Variants in MAPK8IP3 observed in about 807,000 individuals in gnomAD.
MAPK8IP3 encodes the protein C-Jun-amino-terminal kinase-interacting protein 3.
Under a neutral mutation model 157.8 loss-of-function variants are expected in MAPK8IP3, and 49 were observed. The ratio of observed to expected loss-of-function variants is 0.31; its 90% CI spans 0.25 to 0.39. The LOEUF (loss-of-function observed/expected upper bound fraction) is 0.39, where lower values mean the gene tolerates loss of function less well. Ranked by LOEUF, MAPK8IP3 falls within the 10% of genes least tolerant of loss-of-function variation. The pLI is 1.00. For synonymous variants in MAPK8IP3, 897 were observed against 777.7 expected (o/e 1.15, Z -2.55); for missense variants, 1,478 against 1,889.4 (o/e 0.78, Z 4.04).
chr16:1,732,665 G>A (rs530977264), intron 4 of MAPK8IP3, among the ~76,000 whole-genome samples: 138 of 152,314 alleles, frequency 9.1e-4, no homozygotes, highest in Admixed American at 2.9e-3. Flanking sequence ...ACGCCAGGGC[G>A]TGTGGATGCC....
At chr16:1,765,203 C>A in intron 20 of MAPK8IP3, 25 bp downstream of exon 20, 1 of 1,573,540 alleles carries the variant, frequency 6.4e-7, no homozygotes, top group South Asian at 1.1e-5. Context: ...TGGGCGTTTC[C>A]ACTCGGGCGC....
intron 1 of MAPK8IP3, among the ~76,000 whole-genome samples, chr16:1,719,337 C>G (rs976906846): frequency 1.3e-5 from 2 of 151,872 alleles, no homozygotes; most frequent in Admixed American, 6.6e-5. Context: ...CTGGTGCTTT[C>G]AGACAGGTGA....
intron 8 of MAPK8IP3, among the ~76,000 whole-genome samples, chr16:1,753,180 T>A (rs1203208966): frequency 6.6e-6 from 1 of 152,248 alleles, no homozygotes; most frequent in African/African-American, 2.4e-5. Context: ...GCATTTTTAC[T>A]CTGAGTTCCT....
Position 1,768,757 on chromosome 16 carries a change from A to G in MAPK8IP3, c.3947A>G (p.Lys1316Arg), listed in dbSNP as rs1354611438. ...EEGAGDMSQV[K>R]PVLSKAERSH... Reference sequence around the variant, plus strand: ...GGCGCAGGGGACATGAGCCAGGTGAAGCCCGTGCTGTCCAAGGCAGAGCGC... The same window carrying G: ...GGCGCAGGGGACATGAGCCAGGTGAGGCCCGTGCTGTCCAAGGCAGAGCGC... The change falls in exon 32 of 32, where the codon AAG becomes AGG. Residue 1316 changes from lysine to arginine, a missense_variant. Transcript: ENST00000610761. 5.0e-6 allele frequency: 8 copies of G among 1,612,796 alleles called. No homozygotes were observed. The highest frequency in any genetic ancestry group is 6.8e-6 in the Non-Finnish European group (8 of 1,179,850).
rs769014694 is a variant in MAPK8IP3 at position 1,762,941 on chromosome 16, G to A, written c.1833G>A (p.Gln611=). The A allele has an allele frequency of 2.5e-6, 4 of 1,613,064 alleles. No homozygotes were observed. The South Asian group carries it at 4.4e-5, about 18-fold the overall frequency. Residue 611 remains glutamine, a synonymous_variant, in exon 16 of 32, where the codon CAG becomes CAA. Transcript: ENST00000610761. Reference sequence around the variant, plus strand: ...CACCCACCACTGCCGGCTTCAGCCAGCGCCGCAACCATGCCATGTGCCCGA... The same window carrying A: ...CACCCACCACTGCCGGCTTCAGCCAACGCCGCAACCATGCCATGTGCCCGA... ...YKSPTTAGFS[Q]RRNHAMCPIS...
At chr16:1,722,408 A>T (rs1168617919) in intron 1 of MAPK8IP3, among the ~76,000 whole-genome samples, 1 of 152,198 alleles carries the variant, frequency 6.6e-6, no homozygotes, top group Non-Finnish European at 1.5e-5. Flanking sequence ...AGCTGCTGCT[A>T]TAGGAAGAAG....
chr16:1,765,096 C>T lies in MAPK8IP3; in HGVS notation c.2364C>T (p.Ile788=), dbSNP rs1422519570. ...CCCTGACCACCAGCAAGGTGGTGAT[C>T]ATCGACGCCAACCAGCCGGGCACGG... ...TSTLTTSKVV[I]IDANQPGTVV... is the part of the protein sequence containing the mutation. Residue 788 remains isoleucine, a synonymous_variant, in exon 20 of 32, where the codon ATC becomes ATT. Coordinates refer to ENST00000610761, the MANE Select transcript of MAPK8IP3 (RefSeq NM_001318852.2). 6.2e-7 allele frequency: 1 copy of T among 1,612,660 alleles called. No individual in the cohort carries two copies. The highest frequency in any genetic ancestry group is 8.5e-7 in the Non-Finnish European group (1 of 1,179,832).
At position 1,766,536 on chromosome 16, in the gene MAPK8IP3, GGGCCAGAGCCTGACAGCAGCAGCACAC is replaced by G; in HGVS notation, c.2838_2864del (p.Asp947_Pro955del). The G allele has an allele frequency of 6.2e-7, 1 of 1,611,608 alleles. No individual in the cohort carries two copies. Among genetic ancestry groups the G allele is most frequent in the Non-Finnish European group, 8.5e-7 (1 of 1,179,808 alleles). On this transcript the variant is annotated inframe_deletion, in exon 23 of 32. Coordinates refer to ENST00000610761, the MANE Select transcript of MAPK8IP3 (RefSeq NM_001318852.2). ...CCACCGTTCTTCCTGCAGCGAGAAC[GGGCCAGAGCCTGACAGCAGCAGCACAC>G]GGCCAGAGCCAGAGCCCAGCGGGGA...
chr16:1,735,357 C>T (rs772079676), intron 4 of MAPK8IP3, among the ~76,000 whole-genome samples: 17 of 150,228 alleles, frequency 1.1e-4, no homozygotes, highest in East Asian at 4.0e-4. Flanking sequence ...AGCGTGTGAG[C>T]GTCCATGTGA....
intron 20 of MAPK8IP3, 104 bp from the exon 21 acceptor site, chr16:1,765,856 G>A (rs2042225363): frequency 1.0e-5 from 11 of 1,096,714 alleles, no homozygotes; most frequent in Non-Finnish European, 1.4e-5. Flanking sequence ...TGCTGGGAAA[G>A]TGGAAGGCCA....
chr16:1,722,858 C>T (rs900232200), intron 1 of MAPK8IP3, among the ~76,000 whole-genome samples: 3 of 151,632 alleles, frequency 2.0e-5, no homozygotes, highest in Non-Finnish European at 4.4e-5. Context: ...CCTGCCACCA[C>T]GCCTGGCTAA....
intron 4 of MAPK8IP3, among the ~76,000 whole-genome samples, chr16:1,740,999 C>T (rs2040640391): frequency 1.3e-5 from 2 of 152,170 alleles, no homozygotes; most frequent in Admixed American, 1.3e-4. Flanking sequence ...CAGACGAAGG[C>T]ACGGCGCCGA....
chr16:1,747,683 C>T (rs576538345), intron 6 of MAPK8IP3, among the ~76,000 whole-genome samples: 1 of 152,188 alleles, frequency 6.6e-6, no homozygotes, highest in Non-Finnish European at 1.5e-5. Context: ...AAGGCAGTAG[C>T]CTGCGTCACC....
intron 4 of MAPK8IP3, among the ~76,000 whole-genome samples, chr16:1,734,267 TGCTCCATG>T (rs2039512213): frequency 6.6e-6 from 1 of 152,246 alleles, no homozygotes; most frequent in Non-Finnish European, 1.5e-5. Context: ...GACGGGAGCA[TGCTCCATG>T]GGGGCGACAG....
chr16:1,728,551 C>T (rs1053890821), intron 2 of MAPK8IP3, among the ~76,000 whole-genome samples: 1 of 146,708 alleles, frequency 6.8e-6, no homozygotes, highest in Non-Finnish European at 1.5e-5. Context: ...GAGTGTTTTC[C>T]CATGGCACAG....
chr16:1,764,733 C>T lies in MAPK8IP3; in HGVS notation c.2280+274C>T, dbSNP rs117864591. Among the ~76,000 whole-genome samples, 5 of 152,304 alleles carry T rather than the reference C, an allele frequency of 3.3e-5. No homozygotes were observed. The East Asian group carries it at 7.7e-4, about 24-fold the overall frequency. On this transcript the variant is annotated intron_variant, in intron 19 of 31. Coordinates refer to ENST00000610761, the MANE Select transcript of MAPK8IP3 (RefSeq NM_001318852.2). The stretch of plus-strand genomic sequence containing the variant: ...CAGCAGGCACAGAGGAGCCCAGGAG[C>T]GGCAGAGCTTGCCTCCCAGTGGTGG...
intron 1 of MAPK8IP3, among the ~76,000 whole-genome samples, chr16:1,721,076 G>A (rs1449856592): frequency 1.3e-5 from 2 of 151,770 alleles, no homozygotes; most frequent in African/African-American, 4.8e-5. Context: ...GGGGGCTCAT[G>A]CCTGTAATCC....
In MAPK8IP3 at chr16:1,737,197, CGT is replaced by C. The variant is rs1366169711; in HGVS notation, c.603-6131_603-6130del. Reference sequence around the variant, plus strand: ...GTGAGCGTGTGACCGTCCGTGTGAGCGTGTGACCATCCGTGAGAGTGTGACCA... The same window carrying C: ...GTGAGCGTGTGACCGTCCGTGTGAGCGTGACCATCCGTGAGAGTGTGACCA... On this transcript the variant is annotated intron_variant, in intron 4 of 31. Coordinates refer to ENST00000610761, the MANE Select transcript of MAPK8IP3 (RefSeq NM_001318852.2). Among the ~76,000 whole-genome samples, 4 of 57,070 alleles carry C rather than the reference CGT, an allele frequency of 7.0e-5. 1 individual carries two copies. The highest frequency in any genetic ancestry group is 2.4e-4 in the Admixed American group (1 of 4,162). The allele number at this position is 57,070 out of a possible 152,430, so 37.4% of individuals were successfully genotyped here.
In MAPK8IP3 at chr16:1,766,966, G is replaced by A. The variant is rs907639773; in HGVS notation, c.3083G>A (p.Gly1028Asp). The A allele has an allele frequency of 2.5e-6, 4 of 1,587,316 alleles. No homozygotes were observed. In the Admixed American group the frequency reaches 5.1e-5, roughly 20 times the overall value. Residue 1028 changes from glycine to aspartate, a missense_variant, in exon 25 of 32, where the codon GGT becomes GAT. This residue lies in a region of MAPK8IP3 where 669 missense variants were observed against 759.8 expected (regional missense o/e 0.88). Transcript: ENST00000610761. ...ADGTLAIFHR[G>D]EDGQWDLSNY... The stretch of plus-strand genomic sequence containing the variant: ...GGGACCCTGGCCATCTTCCACCGTG[G>A]TGAAGGTGGGGCCTGGCAGCACGGG...
Sources: allele counts gnomAD v4.1 joint callset (sites outside exome capture counted in the v4.1 genomes callset), GRCh38; gene constraint gnomAD v4.1.1; regional missense constraint gnomAD v4.1.1; transcripts MANE v1.5; gene names NCBI Gene and HGNC (gene_info 2026-07-23, HGNC 2026-07-21).